RAD51B: variants seen among roughly 807,000 people sequenced by gnomAD.
The protein encoded by RAD51B is RAD51 paralog B.
In RAD51B, 38 loss-of-function variants were observed where a neutral mutation model predicts 42.2. The ratio of observed to expected loss-of-function variants is 0.90; its 90% CI spans 0.70 to 1.18. The LOEUF is 1.18. Among genes scored for constraint, RAD51B ranks in the 50% most tolerant of loss-of-function variants. RAD51B has a pLI of 0.00. For synonymous variants in RAD51B, 154 were observed against 145.2 expected, an observed-to-expected ratio of 1.06 and a Z score of -0.43; for missense variants, 373 against 400.7, an observed-to-expected ratio of 0.93 and a Z score of 0.59.
At chr14:68,014,195 C>CT (rs1178899819) in intron 7 of RAD51B, among the ~76,000 whole-genome samples, 1 of 135,406 alleles carries the variant, frequency 7.4e-6, no homozygotes, top group African/African-American at 3.0e-5. Context: ...CTTTTCTTTT[C>CT]TTTCTTTTTT....
chr14:68,304,114 G>A (rs748323491), intron 8 of RAD51B, among the ~76,000 whole-genome samples: 9 of 151,368 alleles, frequency 5.9e-5, no homozygotes, highest in Non-Finnish European at 1.0e-4. Flanking sequence ...AGGTTGCAGT[G>A]AGCAGAGATG....
At chr14:67,828,667 A>G (rs545360794) in intron 3 of RAD51B, among the ~76,000 whole-genome samples, 18 of 152,212 alleles carry the variant, frequency 1.2e-4, no homozygotes, top group Admixed American at 8.5e-4. Context: ...ATTTTTGTGT[A>G]AAGTGTAAGG....
chr14:68,311,183 A>G (rs1291741889), intron 8 of RAD51B, among the ~76,000 whole-genome samples: 1 of 152,238 alleles, frequency 6.6e-6, no homozygotes, highest in Admixed American at 6.5e-5. Context: ...AGACTTACTA[A>G]ATAGGCCATT....
At chr14:68,356,982 CAA>C (rs34774624) in intron 8 of RAD51B, among the ~76,000 whole-genome samples, 5 of 92,304 alleles carry the variant, frequency 5.4e-5, no homozygotes, top group Non-Finnish European at 4.1e-5. Context: ...GACTCCGTCT[CAA>C]AAAAAAAAAA....
At chr14:68,602,535 T>C (rs1305188543) in intron 10 of RAD51B, among the ~76,000 whole-genome samples, 2 of 151,570 alleles carry the variant, frequency 1.3e-5, no homozygotes, top group Admixed American at 6.6e-5. Flanking sequence ...GATAGATAGA[T>C]AGATAGATAG....
At chr14:68,392,804 C>T (rs184065811) in intron 8 of RAD51B, among the ~76,000 whole-genome samples, 9 of 152,200 alleles carry the variant, frequency 5.9e-5, no homozygotes, top group African/African-American at 1.9e-4. Context: ...CTCCCCATTT[C>T]GACTCATGCC....
At chr14:68,103,804 C>T (rs1423915816) in intron 7 of RAD51B, among the ~76,000 whole-genome samples, 1 of 152,120 alleles carries the variant, frequency 6.6e-6, no homozygotes, top group Non-Finnish European at 1.5e-5. Flanking sequence ...TAAAAAAACA[C>T]ATTAGGATCA....
At chr14:68,585,083 T>C (rs926638552) in intron 10 of RAD51B, among the ~76,000 whole-genome samples, 1 of 152,166 alleles carries the variant, frequency 6.6e-6, no homozygotes, top group African/African-American at 2.4e-5. Flanking sequence ...TCTCAGAATA[T>C]ACTCAAGTGG....
At chr14:68,148,571 G>A (rs1291002555) in intron 7 of RAD51B, among the ~76,000 whole-genome samples, 1 of 152,188 alleles carries the variant, frequency 6.6e-6, no homozygotes, top group African/African-American at 2.4e-5. Flanking sequence ...TTTTTCAATG[G>A]TGTGAAAGCA....
chr14:68,191,548 G>A (rs1377302969), intron 7 of RAD51B, among the ~76,000 whole-genome samples: 1 of 152,188 alleles, frequency 6.6e-6, no homozygotes, highest in Non-Finnish European at 1.5e-5. Flanking sequence ...GAGACTTGGG[G>A]AACATTAGCA....
intron 8 of RAD51B, among the ~76,000 whole-genome samples, chr14:68,369,855 T>C (rs2083217594): frequency 6.6e-6 from 1 of 152,164 alleles, no homozygotes; most frequent in African/African-American, 2.4e-5. Flanking sequence ...GTCTATATAT[T>C]TTTTTCTTGA....
chr14:68,127,357 T>C (rs187620973), intron 7 of RAD51B, among the ~76,000 whole-genome samples: 5 of 152,306 alleles, frequency 3.3e-5, no homozygotes, highest in Admixed American at 3.3e-4. Context: ...TTTCAACGAT[T>C]TGTTTATATA....
rs940782619 is a variant in RAD51B at position 68,560,949 on chromosome 14, C to T, written c.1037-33536C>T. On this transcript the variant is annotated intron_variant, in intron 10 of 10. Coordinates refer to the RAD51B transcript ENST00000487270. ...CAGGGAACAGAAGGGATACTGCTTC[C>T]GGGCAGAAAATGGGCCAGATTCAGG... Among the ~76,000 whole-genome samples, 6 of 152,306 alleles carry T rather than the reference C, an allele frequency of 3.9e-5. No homozygotes were observed. In the East Asian group the frequency reaches 5.8e-4, roughly 15 times the overall value.
chr14:68,449,869 G>A (rs1287558064), intron 9 of RAD51B, among the ~76,000 whole-genome samples: 1 of 152,080 alleles, frequency 6.6e-6, no homozygotes, highest in Admixed American at 6.6e-5. Flanking sequence ...TCCTCCTTGT[G>A]ATTAGAAGAA....
At chr14:68,203,547 A>G (rs2079531099) in intron 7 of RAD51B, among the ~76,000 whole-genome samples, 1 of 152,160 alleles carries the variant, frequency 6.6e-6, no homozygotes, top group African/African-American at 2.4e-5. Flanking sequence ...CATTGGCTTC[A>G]AGTTAGAGTC....
intron 7 of RAD51B, among the ~76,000 whole-genome samples, chr14:67,890,600 A>C (rs2043189595): frequency 7.3e-6 from 1 of 137,564 alleles, no homozygotes. Context: ...TCCCAGTGCT[A>C]TCCCTCCCCC....
chr14:68,207,142 G>GGT (rs1435987147), intron 7 of RAD51B, among the ~76,000 whole-genome samples: 1 of 152,010 alleles, frequency 6.6e-6, no homozygotes, highest in African/African-American at 2.4e-5. Flanking sequence ...TCTGGGCATA[G>GGT]GTGTGCTCAT....
intron 10 of RAD51B, among the ~76,000 whole-genome samples, chr14:68,624,914 C>T (rs1360380599): frequency 2.0e-5 from 3 of 152,138 alleles, no homozygotes; most frequent in South Asian, 2.1e-4. Flanking sequence ...GGTTCCGAAG[C>T]GCCTGCAGGT....
chr14:68,092,272 G>T (rs535777188), intron 7 of RAD51B, among the ~76,000 whole-genome samples: 1 of 151,840 alleles, frequency 6.6e-6, no homozygotes, highest in East Asian at 1.9e-4. Context: ...GGCATTGAAC[G>T]TATAAATTAC....
Sources: gnomAD v4.1 joint callset for allele counts (sites outside exome capture counted in the v4.1 genomes callset) on GRCh38, gnomAD v4.1.1 for gene constraint, MANE v1.5 for transcripts, NCBI Gene and HGNC (gene_info 2026-07-23, HGNC 2026-07-21) for gene names.